USP48: variants seen among roughly 807,000 people sequenced by gnomAD.
USP48 encodes the protein ubiquitin specific peptidase 48, also known as ubiquitin carboxyl-terminal hydrolase 48.
USP48 carries 43 observed loss-of-function variants against 150.7 expected under a neutral mutation model. The ratio of observed to expected loss-of-function variants is 0.29; its 90% CI spans 0.22 to 0.37. The LOEUF (loss-of-function observed/expected upper bound fraction) is 0.37. Ranked by LOEUF, USP48 falls within the 10% of genes least tolerant of loss-of-function variation. USP48 has a pLI of 1.00. For missense variants in USP48, 813 were observed against 1,249.6 expected, an observed-to-expected ratio of 0.65 and a Z score of 5.27; for synonymous variants, 396 against 425.9, an observed-to-expected ratio of 0.93 and a Z score of 0.86.
Position 21,782,848 on chromosome 1 carries a change from T to C in USP48, c.110A>G (p.Glu37Gly). The C allele has an allele frequency of 6.4e-7, 1 of 1,559,794 alleles. No homozygotes were observed. ...HIETAYRIWLEPCIRGVCRRN... is the reference protein window; with the variant it reads ...HIETAYRIWLGPCIRGVCRRN... ...CCTGCACACGCCGCGAATGCAGGGCTCCAGCCAGATGCGGTAAGCGGTCTC... is the reference window on the plus strand; with the variant it reads ...CCTGCACACGCCGCGAATGCAGGGCCCCAGCCAGATGCGGTAAGCGGTCTC... The change falls in exon 1 of 27, where the codon GAG becomes GGG. Residue 37 changes from glutamate to glycine, a missense_variant. By Grantham distance (98) the Glu-to-Gly change is moderately conservative. Coordinates refer to ENST00000308271, the MANE Select transcript of USP48 (RefSeq NM_032236.8).
intron 2 of USP48, 101 bp downstream of exon 2, chr1:21,757,562 T>C: frequency 7.5e-7 from 1 of 1,327,544 alleles, no homozygotes; most frequent in Non-Finnish European, 1.0e-6. Context: ...CTGCACAGGT[T>C]ACCTGAAATC....
At chr1:21,679,580 A>G (rs2152486827) in intron 26 of USP48, 141 bp from the exon 27 acceptor site, 1 of 1,002,692 alleles carries the variant, frequency 1.0e-6, no homozygotes, top group Non-Finnish European at 1.5e-6. Flanking sequence ...GTGGGAGGAT[A>G]AGACAAAATA....
At chr1:21,701,376 A>AG (rs1358180374) in intron 22 of USP48, 122 bp downstream of exon 22, 2 of 720,876 alleles carry the variant, frequency 2.8e-6, no homozygotes, top group East Asian at 3.0e-5. Context: ...AAAAAAAAAA[A>AG]AAAAAGAAAA....
In USP48 at chr1:21,679,063, C is replaced by T. The variant is rs976685011; in HGVS notation, c.*354G>A. On this transcript the variant is annotated 3_prime_UTR_variant, in exon 27 of 27. Coordinates refer to ENST00000308271, the MANE Select transcript of USP48 (RefSeq NM_032236.8). ...GGACCAACGCATCTGGTATGAAACT[C>T]GAGCAAGGAAATATAACAGAACTTT... is the stretch of plus-strand genomic sequence containing the variant. The T allele has an allele frequency of 1.4e-5, 5 of 363,176 alleles. No homozygotes were observed. Among genetic ancestry groups the T allele is most frequent in the East Asian group, 6.9e-5 (1 of 14,420 alleles). The allele number at this position is 363,176 out of a possible 1,614,324, so 22.5% of individuals were successfully genotyped here.
intron 1 of USP48, among the ~76,000 whole-genome samples, chr1:21,777,329 T>C (rs2097902329): frequency 6.6e-6 from 1 of 151,844 alleles, no homozygotes; most frequent in African/African-American, 2.4e-5. Flanking sequence ...TGCTCAAACC[T>C]TGGGTGAGGT....
intron 1 of USP48, among the ~76,000 whole-genome samples, chr1:21,778,601 T>TAAAAAAAAAA (rs35911894): frequency 1.1e-5 from 1 of 88,908 alleles, no homozygotes; most frequent in Admixed American, 1.5e-4. Flanking sequence ...ACCCTCATCT[T>TAAAAAAAAAA]AAAAAAAAAA....
chr1:21,776,859 A>C (rs1472433011), intron 1 of USP48, among the ~76,000 whole-genome samples: 1 of 151,992 alleles, frequency 6.6e-6, no homozygotes, highest in Non-Finnish European at 1.5e-5. Context: ...AGGTAGGAGA[A>C]CTGCTTGAAC....
chr1:21,706,239 C>T lies in USP48; in HGVS notation c.2212-52G>A, dbSNP rs779269526. 8 of 1,588,190 alleles carry T rather than the reference C, an allele frequency of 5.0e-6. No homozygotes were observed. In the Admixed American group the frequency reaches 7.0e-5, roughly 14 times the overall value. On this transcript the variant is annotated intron_variant, in intron 17 of 26. Coordinates refer to ENST00000308271, the MANE Select transcript of USP48 (RefSeq NM_032236.8). ...ATCCGTCAATTCACCGCCTGCTTAACACAAATTCCTTATAATATACTTTGG... is the reference window on the plus strand; with the variant it reads ...ATCCGTCAATTCACCGCCTGCTTAATACAAATTCCTTATAATATACTTTGG...
chr1:21,708,505 A>AAAAT (rs1553124802), intron 15 of USP48, among the ~76,000 whole-genome samples: 26 of 149,204 alleles, frequency 1.7e-4, no homozygotes, highest in East Asian at 9.8e-4. Context: ...TCAAAAAACA[A>AAAAT]AAACAAACAA....
At chr1:21,777,610 T>G (rs1455035509) in intron 1 of USP48, among the ~76,000 whole-genome samples, 2 of 145,700 alleles carry the variant, frequency 1.4e-5, no homozygotes, top group Admixed American at 6.8e-5. Flanking sequence ...AAGGCTACAG[T>G]GAGCTACAAT....
At chr1:21,747,814 C>T (rs925282601) in intron 7 of USP48, among the ~76,000 whole-genome samples, 1 of 151,940 alleles carries the variant, frequency 6.6e-6, no homozygotes, top group Non-Finnish European at 1.5e-5. Flanking sequence ...CTCAGGTGAT[C>T]CACCTGCCTC....
intron 8 of USP48, among the ~76,000 whole-genome samples, chr1:21,742,531 G>A (rs1262726411): frequency 2.9e-5 from 4 of 139,196 alleles, no homozygotes; most frequent in African/African-American, 5.3e-5. Context: ...GTGACAGAGC[G>A]AGACTCTATC....
chr1:21,755,238 T>C (rs2097828885), intron 3 of USP48, among the ~76,000 whole-genome samples: 1 of 152,130 alleles, frequency 6.6e-6, no homozygotes, highest in Non-Finnish European at 1.5e-5. Context: ...ATATTACTCC[T>C]TGGCCTGCAA....
At chr1:21,752,894 T>C in intron 4 of USP48, 98 bp downstream of exon 4, 1 of 1,431,590 alleles carries the variant, frequency 7.0e-7, no homozygotes, top group South Asian at 1.4e-5. Context: ...AAAAATTTAA[T>C]TTTTAAAAAG....
chr1:21,679,502 C>A, intron 26 of USP48, 63 bp from the exon 27 acceptor site: 4 of 1,587,524 alleles, frequency 2.5e-6, no homozygotes, highest in Non-Finnish European at 3.5e-6. Flanking sequence ...TCATGGATTC[C>A]ATTTACCAAG....
chr1:21,704,568 A>G, intron 19 of USP48, 176 bp from the exon 20 acceptor site: 2 of 635,528 alleles, frequency 3.1e-6, no homozygotes, highest in Non-Finnish European at 4.9e-6. Context: ...GAATGTTACC[A>G]CAGCAGCGAA....
intron 20 of USP48, among the ~76,000 whole-genome samples, chr1:21,703,919 T>C (rs952552963): frequency 5.3e-5 from 8 of 152,158 alleles, no homozygotes; most frequent in Admixed American, 3.9e-4. Flanking sequence ...GAGAAGGTCT[T>C]GTTATGTTGC....
At chr1:21,745,536 G>A (rs1026031852) in intron 8 of USP48, among the ~76,000 whole-genome samples, 7 of 151,900 alleles carry the variant, frequency 4.6e-5, no homozygotes, top group Admixed American at 2.0e-4. Context: ...TTATAGCCTG[G>A]GCGACAGAGC....
chr1:21,726,337 C>T (rs1460206335), intron 11 of USP48, among the ~76,000 whole-genome samples: 1 of 152,126 alleles, frequency 6.6e-6, no homozygotes, highest in African/African-American at 2.4e-5. Flanking sequence ...CAGAAAACTT[C>T]CAAGGAAAGC....
Sources: allele counts gnomAD v4.1 joint callset (sites outside exome capture counted in the v4.1 genomes callset), GRCh38; gene constraint gnomAD v4.1.1; transcripts MANE v1.5; gene names NCBI Gene and HGNC (gene_info 2026-07-23, HGNC 2026-07-21).